TANC1: variants seen among roughly 807,000 people sequenced by gnomAD.
TANC1 encodes tetratricopeptide repeat, ankyrin repeat and coiled-coil containing 1.
TANC1 carries 77 observed loss-of-function variants against 149.7 expected under a neutral mutation model. That is an observed-to-expected ratio of 0.51 (90% CI 0.43 to 0.62). The LOEUF is 0.62. Among genes scored for constraint, TANC1 ranks in the 20% least tolerant of loss-of-function variants. TANC1 has a pLI of 0.00. For missense variants in TANC1, 1,985 were observed against 2,321.8 expected, an observed-to-expected ratio of 0.85 and a Z score of 2.98; for synonymous variants, 854 against 925.0, an observed-to-expected ratio of 0.92 and a Z score of 1.39.
intron 2 of TANC1, among the ~76,000 whole-genome samples, chr2:159,029,746 G>A (rs1159848499): frequency 6.6e-6 from 1 of 152,032 alleles, no homozygotes; most frequent in Non-Finnish European, 1.5e-5. Flanking sequence ...AAAATTTTGT[G>A]TAGAGGTGAG....
chr2:159,010,024 A>G (rs2037601195), intron 2 of TANC1, among the ~76,000 whole-genome samples: 1 of 152,220 alleles, frequency 6.6e-6, no homozygotes, highest in Non-Finnish European at 1.5e-5. Flanking sequence ...GAAAGATTTC[A>G]CAACAAGAGA....
chr2:159,053,151 A>G (rs2041593972), intron 2 of TANC1, among the ~76,000 whole-genome samples: 1 of 150,916 alleles, frequency 6.6e-6, no homozygotes, highest in South Asian at 2.1e-4. Context: ...AAGTCTTAAC[A>G]TATTTGGCCT....
chr2:159,096,381 GCTT>G (rs1186840035), intron 3 of TANC1, among the ~76,000 whole-genome samples: 1 of 145,876 alleles, frequency 6.9e-6, no homozygotes, highest in Non-Finnish European at 1.5e-5. Flanking sequence ...CATCCTTTCT[GCTT>G]CTTAAGGTTC....
intron 3 of TANC1, among the ~76,000 whole-genome samples, chr2:159,091,985 T>G: frequency 6.6e-6 from 1 of 151,310 alleles, no homozygotes; most frequent in African/African-American, 2.4e-5. Context: ...TGTGTGTATG[T>G]ATGTAGAGTT....
intron 3 of TANC1, among the ~76,000 whole-genome samples, chr2:159,079,963 G>A (rs563052761): frequency 2.0e-5 from 3 of 152,344 alleles, no homozygotes; most frequent in Admixed American, 6.5e-5. Flanking sequence ...TTTTAAATGA[G>A]AAAGGGTAGT....
intron 2 of TANC1, chr2:159,055,894 A>G: frequency 6.1e-6 from 1 of 165,046 alleles, no homozygotes; most frequent in South Asian, 1.6e-4. Flanking sequence ...TTATTTATTT[A>G]TTTTAGCCCA....
In TANC1 at chr2:158,997,668, A is replaced by C. The variant is rs141416221; in HGVS notation, c.-125-3412A>C. ...CAGCCAACCTCAAAGAGCTCCTAATAGCCAAAGCTGGAATAATTTGAGCAA... is the reference window on the plus strand; with the variant it reads ...CAGCCAACCTCAAAGAGCTCCTAATCGCCAAAGCTGGAATAATTTGAGCAA... On this transcript the variant is annotated intron_variant, in intron 1 of 26. Transcript: ENST00000263635. Among the ~76,000 whole-genome samples the C allele has an allele frequency of 5.6e-3, 858 of 152,354 alleles. 7 individuals carry two copies. Among genetic ancestry groups the C allele is most frequent in the African/African-American group, 0.019 (788 of 41,588 alleles).
chr2:159,025,695 T>C (rs1010487637), intron 2 of TANC1, among the ~76,000 whole-genome samples: 5 of 152,238 alleles, frequency 3.3e-5, no homozygotes, highest in African/African-American at 1.2e-4. Context: ...TTTACTATAA[T>C]ACCATATTTT....
Position 159,041,692 on chromosome 2 carries a change from C to T in TANC1, c.-15-24204C>T, listed in dbSNP as rs927384699. 7.9e-5 allele frequency among the ~76,000 whole-genome samples: 12 copies of T among 152,222 alleles called. No homozygotes were observed. In the East Asian group the frequency reaches 9.6e-4, roughly 12 times the overall value. ...CCGATTTTCCAGGTACAGTCTGCCA[C>T]GGCTTCCCTTGGCTAGGAAAGGGAA... On this transcript the variant is annotated intron_variant, in intron 2 of 26. Coordinates refer to ENST00000263635, the MANE Select transcript of TANC1 (RefSeq NM_033394.3).
intron 22 of TANC1, among the ~76,000 whole-genome samples, chr2:159,221,843 G>A (rs920649612): frequency 1.3e-5 from 2 of 152,192 alleles, no homozygotes; most frequent in Non-Finnish European, 2.9e-5. Context: ...ACTGAGAACC[G>A]TGAAATGTCT....
intron 18 of TANC1, among the ~76,000 whole-genome samples, chr2:159,198,552 T>C (rs1251792765): frequency 6.6e-6 from 1 of 152,222 alleles, no homozygotes; most frequent in Non-Finnish European, 1.5e-5. Context: ...CAGCAGAAAA[T>C]GTATTTGAAC....
intron 19 of TANC1, among the ~76,000 whole-genome samples, chr2:159,215,165 G>A (rs2059263677): frequency 6.6e-6 from 1 of 152,128 alleles, no homozygotes; most frequent in African/African-American, 2.4e-5. Flanking sequence ...TACATTCTTA[G>A]GTCCACAAGA....
intron 19 of TANC1, among the ~76,000 whole-genome samples, chr2:159,215,478 G>A (rs1249852603): frequency 2.0e-5 from 3 of 152,200 alleles, no homozygotes; most frequent in Admixed American, 2.0e-4. Context: ...ATCAGCAACA[G>A]ACTCCCAGCT....
chr2:159,026,120 T>G (rs2039320568), intron 2 of TANC1, among the ~76,000 whole-genome samples: 1 of 152,144 alleles, frequency 6.6e-6, no homozygotes, highest in African/African-American at 2.4e-5. Context: ...TTTGTAGAGA[T>G]AGGGTGTTGC....
rs567425105 is a variant in TANC1, at chr2:159,230,249, G to A, written c.4823G>A (p.Arg1608His). Residue 1608 changes from arginine to histidine, a missense_variant, in exon 27 of 27, where the codon CGC becomes CAC. Physicochemically the swap from Arg to His is conservative, Grantham distance 29. Around this residue, in one of 3 missense-constraint regions of TANC1, gnomAD observed 920 missense variants for 994.7 expected, o/e 0.92. Coordinates refer to ENST00000263635, the MANE Select transcript of TANC1 (RefSeq NM_033394.3). The surrounding 1 kb of genome is among the most constrained non-coding windows in gnomAD (Gnocchi z 4.4). ...CGGCTGGGCCCCAGCCAGAATGTCC[G>A]CCTGCAGTGTGGTGAGAATGGCCCT... ...GDRLGPSQNV[R>H]LQCGENGPAH... 1.2e-5 allele frequency: 19 copies of A among 1,613,988 alleles called. No individual in the cohort carries two copies. The highest frequency in any genetic ancestry group is 1.4e-5 in the Non-Finnish European group (16 of 1,180,022).
intron 4 of TANC1, among the ~76,000 whole-genome samples, chr2:159,111,746 C>T (rs917758987): frequency 1.3e-5 from 2 of 152,112 alleles, no homozygotes; most frequent in African/African-American, 2.4e-5. Context: ...GTCATTGTGC[C>T]CTGGTCACAA....
chr2:159,204,174 CCAAGTGGA>C (rs1156831581), intron 19 of TANC1, among the ~76,000 whole-genome samples: 2 of 152,146 alleles, frequency 1.3e-5, no homozygotes, highest in African/African-American at 4.8e-5. Context: ...TAGGTATTGA[CCAAGTGGA>C]CAAGTGGATT....
chr2:158,976,562 CAA>C (rs1318966017), intron 1 of TANC1, among the ~76,000 whole-genome samples: 1 of 152,108 alleles, frequency 6.6e-6, no homozygotes, highest in African/African-American at 2.4e-5. Context: ...ACTTTTAAAA[CAA>C]ATTTGACAAG....
chr2:158,995,869 A>AGCCT (rs2036087595), intron 1 of TANC1, among the ~76,000 whole-genome samples: 1 of 152,144 alleles, frequency 6.6e-6, no homozygotes, highest in African/African-American at 2.4e-5. Flanking sequence ...TCCACCAGCC[A>AGCCT]GCCTGCCGTG....
Sources: allele counts gnomAD v4.1 joint callset (sites outside exome capture counted in the v4.1 genomes callset), GRCh38; gene constraint gnomAD v4.1.1; regional missense constraint gnomAD v4.1.1; non-coding constraint Gnocchi (gnomAD v3.1); transcripts MANE v1.5; gene names NCBI Gene and HGNC (gene_info 2026-07-23, HGNC 2026-07-21).